Variants in TRPM3 observed in about 807,000 individuals in gnomAD.
The protein encoded by TRPM3 is long transient receptor potential channel 3.
A neutral mutation model predicts 181.2 loss-of-function variants in TRPM3; 77 were observed. The observed-to-expected ratio is 0.42, with a 90% confidence interval of 0.35 to 0.51. The LOEUF is 0.51. Ranked by LOEUF, TRPM3 falls within the 20% of genes least tolerant of loss-of-function variation. The probability of loss-of-function intolerance (pLI) is 0.01; values close to 1 mark genes in which losing one functional copy is unlikely to be tolerated. For synonymous variants in TRPM3, 745 were observed against 796.4 expected (o/e 0.94, Z 1.09); for missense variants, 1,759 against 2,196.7 (o/e 0.80, Z 3.98).
chr9:70,895,425 T>C (rs1358411818), intron 1 of TRPM3, among the ~76,000 whole-genome samples: 6 of 152,190 alleles, frequency 3.9e-5, no homozygotes, highest in Non-Finnish European at 8.8e-5. Flanking sequence ...CTACGTAACA[T>C]CTGGATTGAA....
intron 1 of TRPM3, among the ~76,000 whole-genome samples, chr9:71,366,851 G>A (rs2092352346): frequency 6.6e-6 from 1 of 151,986 alleles, no homozygotes; most frequent in Non-Finnish European, 1.5e-5. Context: ...TGTACATTCA[G>A]AAATTTACAA....
intron 1 of TRPM3, among the ~76,000 whole-genome samples, chr9:71,332,351 T>G (rs2090254223): frequency 2.0e-5 from 3 of 150,156 alleles, no homozygotes; most frequent in Non-Finnish European, 4.4e-5. Flanking sequence ...AAAAACTTAG[T>G]CTAGGTCAGT....
chr9:70,950,433 G>A (rs537977196), intron 1 of TRPM3, among the ~76,000 whole-genome samples: 1 of 152,306 alleles, frequency 6.6e-6, no homozygotes, highest in African/African-American at 2.4e-5. Flanking sequence ...GGATTAGGGT[G>A]ACATATTATG....
At chr9:70,601,010 C>T (rs1378639091) in intron 20 of TRPM3, among the ~76,000 whole-genome samples, 1 of 152,142 alleles carries the variant, frequency 6.6e-6, no homozygotes, top group African/African-American at 2.4e-5. Flanking sequence ...AGCCCTCAGG[C>T]ACCTGTCTTA....
At chr9:71,174,504 G>A (rs1188672239) in intron 1 of TRPM3, among the ~76,000 whole-genome samples, 1 of 151,886 alleles carries the variant, frequency 6.6e-6, no homozygotes, top group African/African-American at 2.4e-5. Flanking sequence ...TCATGTCACT[G>A]TACTCTAGCC....
chr9:71,281,899 T>C (rs1361191646), intron 1 of TRPM3, among the ~76,000 whole-genome samples: 1 of 151,914 alleles, frequency 6.6e-6, no homozygotes, highest in Non-Finnish European at 1.5e-5. Flanking sequence ...CCGTCTCTAC[T>C]AAAAGTACAA....
intron 1 of TRPM3, among the ~76,000 whole-genome samples, chr9:71,080,862 G>A (rs754823454): frequency 2.0e-5 from 3 of 152,212 alleles, no homozygotes; most frequent in Non-Finnish European, 2.9e-5. Flanking sequence ...GGTAAATTAT[G>A]TAGTAGGTCT....
intron 20 of TRPM3, among the ~76,000 whole-genome samples, chr9:70,598,997 C>G (rs1285641330): frequency 6.6e-6 from 1 of 152,120 alleles, no homozygotes. Context: ...GTAAACAGTG[C>G]CACCATATTG....
chr9:71,322,385 C>T (rs186011793), intron 1 of TRPM3, among the ~76,000 whole-genome samples: 26 of 152,246 alleles, frequency 1.7e-4, no homozygotes, highest in South Asian at 8.3e-4. Flanking sequence ...AAATATTTCT[C>T]ATAAGATTGC....
intron 1 of TRPM3, among the ~76,000 whole-genome samples, chr9:71,003,007 GC>G (rs748823747): frequency 5.5e-4 from 84 of 152,142 alleles, no homozygotes; most frequent in Non-Finnish European, 1.0e-3. Context: ...TGTTTAGAAA[GC>G]CTCTTTAAGC....
intron 1 of TRPM3, among the ~76,000 whole-genome samples, chr9:70,879,447 C>A (rs867445035): frequency 6.6e-5 from 10 of 152,124 alleles, no homozygotes; most frequent in African/African-American, 2.4e-4. Flanking sequence ...TCTGTTTCTC[C>A]TAAATCTTTA....
At chr9:71,306,164 T>C (rs1244209898) in intron 1 of TRPM3, among the ~76,000 whole-genome samples, 1 of 152,148 alleles carries the variant, frequency 6.6e-6, no homozygotes, top group Non-Finnish European at 1.5e-5. Context: ...TGAACTATTA[T>C]CACGAACTTG....
chr9:71,055,776 A>G (rs1565090681), intron 1 of TRPM3, among the ~76,000 whole-genome samples: 1 of 152,012 alleles, frequency 6.6e-6, no homozygotes. Flanking sequence ...GTTCATAAAT[A>G]AATGTTGTTT....
chr9:71,081,680 CAT>C (rs2064368651), intron 1 of TRPM3, among the ~76,000 whole-genome samples: 1 of 152,134 alleles, frequency 6.6e-6, no homozygotes, highest in Admixed American at 6.6e-5. Context: ...TACACACACA[CAT>C]ACACACACAC....
upstream of TRPM3, among the ~76,000 whole-genome samples, chr9:71,123,953 T>A (rs1382774486): frequency 6.6e-6 from 1 of 152,154 alleles, no homozygotes; most frequent in African/African-American, 2.4e-5. Context: ...TGGCCTTTGA[T>A]CCTATCCCCT....
intron 1 of TRPM3, among the ~76,000 whole-genome samples, chr9:71,102,897 T>C (rs534273436): frequency 6.6e-6 from 1 of 152,282 alleles, no homozygotes; most frequent in East Asian, 1.9e-4. Context: ...TGGTCAAAAA[T>C]ATTTATTGGA....
At chr9:71,049,343 G>T (rs2059808378) in intron 1 of TRPM3, among the ~76,000 whole-genome samples, 1 of 152,022 alleles carries the variant, frequency 6.6e-6, no homozygotes, top group South Asian at 2.1e-4. Context: ...CAGAGTATGA[G>T]GAAAACTCTC....
chr9:71,236,610 A>G (rs1408531424), intron 1 of TRPM3, among the ~76,000 whole-genome samples: 2 of 152,216 alleles, frequency 1.3e-5, no homozygotes, highest in Middle Eastern at 3.2e-3. Context: ...ACTTCAGGTC[A>G]TAAGAGATAA....
Position 70,998,246 on chromosome 9 carries a change from C to T in TRPM3, c.177+122932G>A, listed in dbSNP as rs1450033549. Among the ~76,000 whole-genome samples, 8 of 137,200 alleles carry T rather than the reference C, an allele frequency of 5.8e-5. No individual in the cohort carries two copies. In the Admixed American group the frequency reaches 6.0e-4, roughly 10 times the overall value. 90.0% of individuals were successfully genotyped at this position (137,200 alleles called of 152,430 possible). A position where few individuals can be genotyped will look rare whatever the true frequency, so the allele number is the denominator to read the frequency against. ...ATACATATACACACACACACACACA[C>T]ACACATATATATATATATATTTTTT... On this transcript the variant is annotated intron_variant, in intron 1 of 25. Transcript: ENST00000677713.
Sources: allele counts gnomAD v4.1 joint callset (sites outside exome capture counted in the v4.1 genomes callset), GRCh38; gene constraint gnomAD v4.1.1; transcripts MANE v1.5; gene names NCBI Gene and HGNC (gene_info 2026-07-23, HGNC 2026-07-21).